The following ANO8 variants were observed in gnomAD, a reference collection of about 807,000 sequenced individuals.
The protein encoded by ANO8 is anoctamin 8.
Under a neutral mutation model 120.4 loss-of-function variants are expected in ANO8, and 67 were observed. The ratio of observed to expected loss-of-function variants is 0.56; its 90% CI spans 0.46 to 0.68. The LOEUF is 0.68. Ranked by LOEUF, ANO8 falls within the 30% of genes least tolerant of loss-of-function variation. The probability of loss-of-function intolerance (pLI) is 0.00; values close to 1 mark genes in which losing one functional copy is unlikely to be tolerated. For missense variants in ANO8, 1,526 were observed against 1,737.6 expected, an observed-to-expected ratio of 0.88 and a Z score of 2.16; for synonymous variants, 727 against 759.2, an observed-to-expected ratio of 0.96 and a Z score of 0.70.
Position 17,324,846 on chromosome 19 carries a change from C to T in ANO8, c.3202G>A (p.Gly1068Arg), listed in dbSNP as rs771484173. The change falls in exon 17 of 18, where the codon GGG (glycine) becomes AGG (arginine). Residue 1068 changes from glycine to arginine, a missense_variant. Gly to Arg is a moderately radical substitution (Grantham distance 125, BLOSUM62 -2). Coordinates refer to ENST00000159087, the MANE Select transcript of ANO8 (RefSeq NM_020959.3). ...TCTGGCCGGGCCTGCCCGCCCGCCC[C>T]GTTGGACCCAGGCTCAGCCCGGGTG... is the stretch of plus-strand genomic sequence containing the variant. ...GGTRAEPGSN[G>R]AGGQARPDGT... The T allele has an allele frequency of 6.8e-6, 11 of 1,612,212 alleles. No individual in the cohort carries two copies. The highest frequency in any genetic ancestry group is 4.4e-5 in the South Asian group (4 of 91,024).
rs1271863382 is a variant in ANO8 at position 17,333,275 on chromosome 19, G to A, written c.351-36C>T. 1.9e-6 allele frequency: 3 copies of A among 1,602,676 alleles called. No homozygotes were observed. Among genetic ancestry groups the A allele is most frequent in the Middle Eastern group, 1.9e-4 (1 of 5,272 alleles). ...GGCGGAGGAGGTGGGCTCACAGGGA[G>A]GCCCCGGCCCACCATCCTGGAGCTG... On this transcript the variant is annotated intron_variant, in intron 3 of 17. Coordinates refer to ENST00000159087, the MANE Select transcript of ANO8 (RefSeq NM_020959.3). The surrounding 1 kb of genome is among the most constrained non-coding windows in gnomAD (Gnocchi z 7.2).
Position 17,324,867 on chromosome 19 carries a change from G to C in ANO8, c.3181C>G (p.Arg1061Gly), listed in dbSNP as rs775932379. ...AGKLFPFGGTRAEPGSNGAGG... is the reference protein window; with the variant it reads ...AGKLFPFGGTGAEPGSNGAGG... ...GCCCCGTTGGACCCAGGCTCAGCCC[G>C]GGTGCCACCAAAGGGGAAGAGCTTG... Residue 1061 changes from arginine (R) to glycine (G), a missense_variant, in exon 17 of 18, where the codon CGG becomes GGG. Arg to Gly is a moderately radical substitution (Grantham distance 125). Transcript: ENST00000159087. 3.1e-6 allele frequency: 5 copies of C among 1,612,880 alleles called. 1 individual carries two copies. The African/African-American group carries it at 5.3e-5, about 17-fold the overall frequency.
At chr19:17,334,422 C>T (rs963947934) in intron 1 of ANO8, 143 bp downstream of exon 1, 1 of 763,594 alleles carries the variant, frequency 1.3e-6, no homozygotes, top group Non-Finnish European at 2.0e-6. Flanking sequence ...CCCGCCGGGC[C>T]GCAGCCGCAG....
Position 17,333,410 on chromosome 19 carries a change from C to G in ANO8, c.350+12G>C, listed in dbSNP as rs773529726. ...GGCAGGCTCAGCGAGAGGCCAGGGA[C>G]AGGGGACTCGCCTCTCATACGTGGC... On this transcript the variant is annotated intron_variant, in intron 3 of 17. Transcript: ENST00000159087. The surrounding 1 kb of genome is among the most constrained non-coding windows in gnomAD (Gnocchi z 7.2). 1 of 1,613,760 alleles carries G rather than the reference C, an allele frequency of 6.2e-7. No individual in the cohort carries two copies. The highest frequency in any genetic ancestry group is 2.2e-5 in the East Asian group (1 of 44,876).
chr19:17,333,094 G>A lies in ANO8; in HGVS notation c.489+7C>T, dbSNP rs1210150997. Reference sequence around the variant, plus strand: ...GGATGCATGCGGGGGCCCAGAGCCGGCCTCACCTGGGAGGTGAAGAAGCGT... The same window carrying A: ...GGATGCATGCGGGGGCCCAGAGCCGACCTCACCTGGGAGGTGAAGAAGCGT... On this transcript the variant is annotated splice_region_variant and intron_variant, in intron 4 of 17. Transcript: ENST00000159087. The surrounding 1 kb of genome is among the most constrained non-coding windows in gnomAD (Gnocchi z 7.2). The A allele has an allele frequency of 4.3e-6, 7 of 1,613,652 alleles. No homozygotes were observed. Among genetic ancestry groups the A allele is most frequent in the South Asian group, 2.2e-5 (2 of 91,090 alleles).
At position 17,325,376 on chromosome 19, in the gene ANO8, C is replaced by T. The variant is rs763249020; in HGVS notation, c.2672G>A (p.Arg891His). Residue 891 changes from arginine to histidine, a missense_variant, in exon 17 of 18, where the codon CGC becomes CAC. By Grantham distance (29) the Arg-to-His change is conservative. Coordinates refer to ENST00000159087, the MANE Select transcript of ANO8 (RefSeq NM_020959.3). ...QRREAFKRHE[R>H]QAQHRYQQQQ... ...CTGCTGGTAGCGATGCTGGGCCTGGCGCTCGTGTCTCTGCAGGTAGAGCCA... is the reference window on the plus strand; with the variant it reads ...CTGCTGGTAGCGATGCTGGGCCTGGTGCTCGTGTCTCTGCAGGTAGAGCCA... 3 of 1,585,186 alleles carry T rather than the reference C, an allele frequency of 1.9e-6. No individual in the cohort carries two copies. Among genetic ancestry groups the T allele is most frequent in the South Asian group, 1.1e-5 (1 of 88,600 alleles).
At position 17,323,477 on chromosome 19, in the gene ANO8, C is replaced by CT; in HGVS notation, c.*39dup. On this transcript the variant is annotated 3_prime_UTR_variant, in exon 18 of 18. Transcript: ENST00000159087. ...GGAGACCGGCCGCCCCTGTGAATGA[C>CT]TGATATTGCATATGAGAAGAGAAGG... 1 of 1,289,392 alleles carries CT rather than the reference C, an allele frequency of 7.8e-7. No homozygotes were observed. The highest frequency in any genetic ancestry group is 9.8e-7 in the Non-Finnish European group (1 of 1,017,666). 79.9% of individuals were successfully genotyped at this position (1,289,392 alleles called of 1,614,324 possible).
In ANO8 at chr19:17,333,661, TGGGC is replaced by T. The variant is rs759982269; in HGVS notation, c.217+25_217+28del. On this transcript the variant is annotated intron_variant, in intron 2 of 17. Coordinates refer to ENST00000159087, the MANE Select transcript of ANO8 (RefSeq NM_020959.3). The surrounding 1 kb of genome is among the most constrained non-coding windows in gnomAD (Gnocchi z 7.2). ...GCTCAGGAGAGCCGCATCTGGGCACTGGGCGGGCGGGCGGGCGGGCTTGGGTACC... is the reference window on the plus strand; with the variant it reads ...GCTCAGGAGAGCCGCATCTGGGCACTGGGCGGGCGGGCGGGCTTGGGTACC... 106 of 195,354 alleles carry T rather than the reference TGGGC, an allele frequency of 5.4e-4. No individual in the cohort carries two copies. Among genetic ancestry groups the T allele is most frequent in the East Asian group, 2.3e-3 (4 of 1,710 alleles). The allele number at this position is 195,354 out of a possible 1,614,324, so 12.1% of individuals were successfully genotyped here.
At chr19:17,328,101 G>A (rs1004773095) in intron 13 of ANO8, 61 bp downstream of exon 13, 4 of 1,354,626 alleles carry the variant, frequency 3.0e-6, no homozygotes, top group Non-Finnish European at 3.0e-6. Flanking sequence ...CTTCACCCTC[G>A]GACGGTGTGT....
Position 17,333,699 on chromosome 19 carries a change from T to A in ANO8, c.208A>T (p.Thr70Ser), listed in dbSNP as rs202067865. 3.8e-6 allele frequency: 6 copies of A among 1,597,680 alleles called. No homozygotes were observed. In the Admixed American group the frequency reaches 1.0e-4, roughly 27 times the overall value. The change falls in exon 2 of 18, where the codon ACC (threonine) becomes TCC (serine). Residue 70 changes from threonine to serine, a missense_variant. Thr to Ser is a moderately conservative substitution (Grantham distance 58, BLOSUM62 1). This residue lies in a region of ANO8 where 322 missense variants were observed against 431.8 expected (regional missense o/e 0.75). Transcript: ENST00000159087. This position sits in a 1 kb window ranked among gnomAD's most constrained non-coding sequence, Gnocchi z 7.2. ...VPTENCDVLM[T>S]FPDTTDDHTL... ...GGGCGGGCTTGGGTACCTGGGAAGG[T>A]CATCAGCACGTCGCAGTTCTCTGTA... is the stretch of plus-strand genomic sequence containing the variant.
Position 17,325,259 on chromosome 19 carries a change from G to A in ANO8, c.2789C>T (p.Ala930Val), listed in dbSNP as rs771051319. 3 of 1,608,436 alleles carry A rather than the reference G, an allele frequency of 1.9e-6. No homozygotes were observed. The highest frequency in any genetic ancestry group is 4.5e-5 in the East Asian group (2 of 44,872). The change falls in exon 17 of 18, where the codon GCG becomes GTG. Residue 930 changes from alanine to valine, a missense_variant. By Grantham distance (64) the Ala-to-Val change is moderately conservative. Around this residue, in one of 8 missense-constraint regions of ANO8, gnomAD observed 489 missense variants for 548.6 expected, o/e 0.89. Coordinates refer to ENST00000159087, the MANE Select transcript of ANO8 (RefSeq NM_020959.3). ...REHDSGGREE[A>V]RAEGSGLDPA... ...GTCCAGCCCAGAGCCCTCGGCCCTC[G>A]CCTCCTCTCGGCCACCAGAATCATG...
chr19:17,331,748 C>T (rs1333020484), intron 5 of ANO8, among the ~76,000 whole-genome samples: 1 of 151,604 alleles, frequency 6.6e-6, no homozygotes, highest in African/African-American at 2.4e-5. Context: ...ATTATCGTGC[C>T]TCAGCCTCCG....
chr19:17,329,233 G>A, intron 12 of ANO8: 4 of 447,448 alleles, frequency 8.9e-6, no homozygotes, highest in Middle Eastern at 1.2e-3. Flanking sequence ...CCACCCCACC[G>A]CGGGCTCTGT....
Position 17,327,363 on chromosome 19 carries a change from A to G in ANO8, c.2551-18T>C, listed in dbSNP as rs1289851574. On this transcript the variant is annotated intron_variant, in intron 15 of 17. Coordinates refer to ENST00000159087, the MANE Select transcript of ANO8 (RefSeq NM_020959.3). ...GCGAAGTGCTGCAGGGGTGGCAGAG[A>G]GGAGGCTGCAGGCTGCAGACGCTGG... is the stretch of plus-strand genomic sequence containing the variant. 1.9e-6 allele frequency: 3 copies of G among 1,549,520 alleles called. No individual in the cohort carries two copies. The highest frequency in any genetic ancestry group is 2.6e-6 in the Non-Finnish European group (3 of 1,145,330).
intron 16 of ANO8, 81 bp from the exon 17 acceptor site, chr19:17,325,467 C>G: frequency 6.7e-7 from 1 of 1,489,428 alleles, no homozygotes; most frequent in Non-Finnish European, 8.9e-7. Context: ...CATGCCAGGG[C>G]TCTCTGCAAA....
chr19:17,327,171 C>A, intron 16 of ANO8, 64 bp downstream of exon 16: 3 of 1,379,038 alleles, frequency 2.2e-6, no homozygotes, highest in Non-Finnish European at 3.0e-6. Context: ...AATTGGCCAC[C>A]AAGATCAGAG....
At position 17,333,164 on chromosome 19, in the gene ANO8, G is replaced by C; in HGVS notation, c.426C>G (p.Phe142Leu). The part of the protein sequence containing the change: ...KAEFGGGTRG[F>L]SCEEDFIYEN... ...CATAGATAAAGTCCTCCTCGCAGGA[G>C]AAGCCGCGGGTGCCCCCGCCAAACT... The change falls in exon 4 of 18, where the codon TTC becomes TTG. Residue 142 changes from phenylalanine to leucine, a missense_variant. Coordinates refer to ENST00000159087, the MANE Select transcript of ANO8 (RefSeq NM_020959.3). The surrounding 1 kb of genome is among the most constrained non-coding windows in gnomAD (Gnocchi z 7.2). The C allele has an allele frequency of 1.9e-6, 3 of 1,610,488 alleles. No individual in the cohort carries two copies. The highest frequency in any genetic ancestry group is 2.5e-6 in the Non-Finnish European group (3 of 1,178,606).
chr19:17,325,251 C>T lies in ANO8; in HGVS notation c.2797G>A (p.Glu933Lys), dbSNP rs779276632. ...DSGGREEARA[E>K]GSGLDPATSS... ...GTGGCAGGGTCCAGCCCAGAGCCCTCGGCCCTCGCCTCCTCTCGGCCACCA... is the reference window on the plus strand; with the variant it reads ...GTGGCAGGGTCCAGCCCAGAGCCCTTGGCCCTCGCCTCCTCTCGGCCACCA... Residue 933 changes from glutamate (E) to lysine (K), a missense_variant, in exon 17 of 18, where the codon GAG (glutamate) becomes AAG (lysine). Around this residue, in one of 8 missense-constraint regions of ANO8, gnomAD observed 489 missense variants for 548.6 expected, o/e 0.89. Coordinates refer to ENST00000159087, the MANE Select transcript of ANO8 (RefSeq NM_020959.3). 1.9e-5 allele frequency: 31 copies of T among 1,609,496 alleles called. No homozygotes were observed. The highest frequency in any genetic ancestry group is 1.0e-4 in the Admixed American group (6 of 59,982).
Position 17,333,380 on chromosome 19 carries a change from C to T in ANO8, c.350+42G>A, listed in dbSNP as rs1320985386. The stretch of plus-strand genomic sequence containing the variant: ...GTTGGCACTTGGTAGAGCGGGGAGT[C>T]GGGTGGCAGGCTCAGCGAGAGGCCA... On this transcript the variant is annotated intron_variant, in intron 3 of 17. Transcript: ENST00000159087. This position sits in a 1 kb window ranked among gnomAD's most constrained non-coding sequence, Gnocchi z 7.2. The T allele has an allele frequency of 6.2e-7, 1 of 1,612,736 alleles. No individual in the cohort carries two copies. Among genetic ancestry groups the T allele is most frequent in the African/African-American group, 1.3e-5 (1 of 75,032 alleles).
Sources: allele counts gnomAD v4.1 joint callset (sites outside exome capture counted in the v4.1 genomes callset), GRCh38; gene constraint gnomAD v4.1.1; regional missense constraint gnomAD v4.1.1; non-coding constraint Gnocchi (gnomAD v3.1); transcripts MANE v1.5; gene names NCBI Gene and HGNC (gene_info 2026-07-23, HGNC 2026-07-21).